The following PTPRB variants were observed in gnomAD, a reference collection of about 807,000 sequenced individuals.
The protein encoded by PTPRB is receptor-type tyrosine-protein phosphatase beta.
A neutral mutation model predicts 238.1 loss-of-function variants in PTPRB; 97 were observed. That is an observed-to-expected ratio of 0.41 (90% CI 0.35 to 0.48). The LOEUF (loss-of-function observed/expected upper bound fraction) is 0.48, where lower values mean the gene tolerates loss of function less well. Among genes scored for constraint, PTPRB ranks in the 20% least tolerant of loss-of-function variants. The pLI is 0.30. For synonymous variants in PTPRB, 970 were observed against 995.4 expected, an observed-to-expected ratio of 0.97 and a Z score of 0.48; for missense variants, 2,292 against 2,681.9, an observed-to-expected ratio of 0.85 and a Z score of 3.21.
Position 70,571,234 on chromosome 12 carries a change from A to C in PTPRB, c.3162T>G (p.His1054Gln). The C allele has an allele frequency of 1.2e-6, 2 of 1,612,232 alleles. No individual in the cohort carries two copies. Among genetic ancestry groups the C allele is most frequent in the East Asian group, 2.2e-5 (1 of 44,870 alleles). ...CCCCATTAGCTCCTGACCAAGTCAC[A>C]TGCAAGTCCTCAGTGCTCCTGTTGC... is the stretch of plus-strand genomic sequence containing the variant. Reference protein sequence around the residue: ...TLRNRSTEDLHVTWSGANGDV... With the variant: ...TLRNRSTEDLQVTWSGANGDV... The change falls in exon 13 of 34, where the codon CAT becomes CAG. Residue 1054 changes from histidine to glutamine, a missense_variant. By Grantham distance (24) the His-to-Gln change is conservative (BLOSUM62 0). This residue lies in a region of PTPRB where 1,205 missense variants were observed against 1,287.8 expected (regional missense o/e 0.94). Coordinates refer to ENST00000334414, the MANE Select transcript of PTPRB (RefSeq NM_001109754.4).
chr12:70,569,372 G>A lies in PTPRB; in HGVS notation c.3634+303C>T, dbSNP rs373968326. ...ACCTGCCTTGGCCTTCCAGGGTGCT[G>A]GGATTACAGGCGTGAGCTACTGTGC... On this transcript the variant is annotated intron_variant, in intron 14 of 33. Transcript: ENST00000334414. Among the ~76,000 whole-genome samples, 12 of 152,296 alleles carry A rather than the reference G, an allele frequency of 7.9e-5. No individual in the cohort carries two copies. The East Asian group carries it at 1.7e-3, about 22-fold the overall frequency.
chr12:70,540,636 C>T (rs1017821245), intron 23 of PTPRB: 37 of 499,820 alleles, frequency 7.4e-5, no homozygotes, highest in African/African-American at 2.0e-5. Context: ...ATAGATGGCC[C>T]CTCAGTCCTT....
intron 13 of PTPRB, 120 bp from the exon 14 acceptor site, chr12:70,570,058 A>G (rs145224916): frequency 3.1e-6 from 3 of 968,834 alleles, no homozygotes; most frequent in East Asian, 5.3e-5. Flanking sequence ...CATGAAAAAG[A>G]AAGTAACAAT....
chr12:70,574,123 A>AC, intron 11 of PTPRB, among the ~76,000 whole-genome samples: 1 of 152,290 alleles, frequency 6.6e-6, no homozygotes, highest in South Asian at 2.1e-4. Flanking sequence ...TCCTAATACT[A>AC]GCATGTCCTC....
chr12:70,562,797 C>T lies in PTPRB; in HGVS notation c.4168+47G>A, dbSNP rs772410262. 8.8e-6 allele frequency: 14 copies of T among 1,587,656 alleles called. No homozygotes were observed. The Admixed American group carries it at 1.5e-4, about 17-fold the overall frequency. The stretch of plus-strand genomic sequence containing the variant: ...CAACCAAGGAAAAGCCAGTGAATAC[C>T]GGGACAATTCCCCCACGATTCATTA... On this transcript the variant is annotated intron_variant, in intron 16 of 33. Coordinates refer to ENST00000334414, the MANE Select transcript of PTPRB (RefSeq NM_001109754.4).
In PTPRB at chr12:70,566,455, G is replaced by T; in HGVS notation, c.3884C>A (p.Ala1295Asp). 6.2e-7 allele frequency: 1 copy of T among 1,613,850 alleles called. No homozygotes were observed. Among genetic ancestry groups the T allele is most frequent in the Non-Finnish European group, 8.5e-7 (1 of 1,179,844 alleles). The change falls in exon 15 of 34, where the codon GCC becomes GAC. Residue 1295 changes from alanine to aspartate, a missense_variant. By Grantham distance (126) the Ala-to-Asp change is moderately radical. Coordinates refer to ENST00000334414, the MANE Select transcript of PTPRB (RefSeq NM_001109754.4). ...ATTACCTGTTCGGCCTTCAGTCTGG[G>T]CTTCCTTGCTAAAGAGGCCTCCACT... ...TVSGGLFSKEAQTEGRTVPAA... is the reference protein window; with the variant it reads ...TVSGGLFSKEDQTEGRTVPAA...
rs545316317 is a variant in PTPRB, at chr12:70,571,927, G to A, written c.3003C>T (p.Asn1001=). 4.2e-5 allele frequency: 67 copies of A among 1,613,890 alleles called. No individual in the cohort carries two copies. The highest frequency in any genetic ancestry group is 1.6e-4 in the Middle Eastern group (1 of 6,062). Residue 1001 remains asparagine, a synonymous_variant, in exon 12 of 34, where the codon AAC becomes AAT. Transcript: ENST00000334414. ...GGACTAGCTGAACAAATACACATTC[G>A]TTTTCTGACTTGGGAATGCTTTTAG... The part of the protein sequence containing the change: ...IQTKSIPKSE[N]ECVFVQLVPG...
chr12:70,550,246 C>T (rs183219955), intron 21 of PTPRB, among the ~76,000 whole-genome samples: 5 of 152,174 alleles, frequency 3.3e-5, no homozygotes, highest in East Asian at 1.9e-4. Context: ...CAGATAAGAG[C>T]GGAACGCATC....
At chr12:70,556,473 A>T (rs1193693304) in intron 18 of PTPRB, among the ~76,000 whole-genome samples, 1 of 152,212 alleles carries the variant, frequency 6.6e-6, no homozygotes, top group African/African-American at 2.4e-5. Context: ...AAATGGAAAA[A>T]GCAAAGAAAA....
intron 22 of PTPRB, chr12:70,541,467 TA>T (rs1875101892): frequency 6.5e-6 from 1 of 152,800 alleles, no homozygotes; most frequent in Non-Finnish European, 1.5e-5. Flanking sequence ...TTTATTGAAA[TA>T]TCATTCATAT....
chr12:70,620,087 C>T (rs975898164), intron 3 of PTPRB, among the ~76,000 whole-genome samples: 1 of 152,174 alleles, frequency 6.6e-6, no homozygotes. Flanking sequence ...CATTAGCTTA[C>T]CAGGACATAG....
At position 70,560,843 on chromosome 12, in the gene PTPRB, G is replaced by A. The variant is rs1158466675; in HGVS notation, c.4260C>T (p.Asp1420=). The A allele has an allele frequency of 6.2e-7, 1 of 1,613,804 alleles. No homozygotes were observed. Among genetic ancestry groups the A allele is most frequent in the African/African-American group, 1.3e-5 (1 of 74,882 alleles). ...GATTATAGAGAATCAGCTCATAAAA[G>A]TCAAAGTCCCCAGAGGCTGGACTCC... The part of the protein sequence containing the change: ...FNWSPASGDF[D]FYELILYNPN... The change falls in exon 17 of 34, where the codon GAC becomes GAT. Residue 1420 remains aspartate, a synonymous_variant. Coordinates refer to ENST00000334414, the MANE Select transcript of PTPRB (RefSeq NM_001109754.4). The surrounding 1 kb of genome is among the most constrained non-coding windows in gnomAD (Gnocchi z 4.2).
At chr12:70,611,482 TAGAGACA>T (rs1884443962) in intron 3 of PTPRB, among the ~76,000 whole-genome samples, 1 of 152,166 alleles carries the variant, frequency 6.6e-6, no homozygotes, top group Non-Finnish European at 1.5e-5. Flanking sequence ...GTATTTTTAA[TAGAGACA>T]GGGTTTCACC....
At chr12:70,607,623 T>G (rs1489585818) in intron 4 of PTPRB, among the ~76,000 whole-genome samples, 1 of 151,518 alleles carries the variant, frequency 6.6e-6, no homozygotes, top group African/African-American at 2.4e-5. Context: ...CTGGCTTCTC[T>G]GCCTCCTGGG....
chr12:70,564,988 T>C (rs1879099952), intron 15 of PTPRB, among the ~76,000 whole-genome samples: 1 of 151,916 alleles, frequency 6.6e-6, no homozygotes, highest in South Asian at 2.1e-4. Flanking sequence ...CCTACATCTT[T>C]TACTTATTTA....
rs1409188730 is a variant in PTPRB at position 70,606,186 on chromosome 12, C to T, written c.979+2883G>A. Among the ~76,000 whole-genome samples the T allele has an allele frequency of 3.3e-5, 5 of 152,304 alleles. No individual in the cohort carries two copies. In the East Asian group the frequency reaches 9.6e-4, roughly 29 times the overall value. On this transcript the variant is annotated intron_variant, in intron 4 of 33. Transcript: ENST00000334414. ...CGTCTCTCACCTCTGCACGAGACAA[C>T]AAGGTCAGGAACCACTTTTTGTTAG...
intron 11 of PTPRB, among the ~76,000 whole-genome samples, chr12:70,573,654 T>C (rs1018143081): frequency 2.6e-5 from 4 of 151,732 alleles, no homozygotes; most frequent in Admixed American, 2.0e-4. Context: ...TACAGGTGCC[T>C]GCCACTACAC....
At chr12:70,537,238 G>C (rs1041039709) in intron 28 of PTPRB, among the ~76,000 whole-genome samples, 3 of 140,492 alleles carry the variant, frequency 2.1e-5, no homozygotes, top group Non-Finnish European at 4.5e-5. Context: ...AGTGAGCAGA[G>C]ATCGCGCCAC....
chr12:70,559,665 A>C, intron 17 of PTPRB, 41 bp from the exon 18 acceptor site: 1 of 1,520,624 alleles, frequency 6.6e-7, no homozygotes, highest in South Asian at 1.1e-5. Context: ...AATCACAGCT[A>C]TGCCATAACA....
Sources: gnomAD v4.1 joint callset for allele counts (sites outside exome capture counted in the v4.1 genomes callset) on GRCh38, gnomAD v4.1.1 for gene constraint, gnomAD v4.1.1 regional missense constraint, Gnocchi (gnomAD v3.1) non-coding constraint, MANE v1.5 for transcripts, NCBI Gene and HGNC (gene_info 2026-07-23, HGNC 2026-07-21) for gene names.